The following CPT1A variants were observed in gnomAD, a reference collection of about 807,000 sequenced individuals.
CPT1A encodes carnitine palmitoyltransferase 1A.
A neutral mutation model predicts 100.8 loss-of-function variants in CPT1A; 64 were observed. The ratio of observed to expected loss-of-function variants is 0.63; its 90% CI spans 0.52 to 0.78. CPT1A has a LOEUF of 0.78. Ranked by LOEUF, CPT1A falls within the 30% of genes least tolerant of loss-of-function variation. The pLI, the probability that CPT1A is intolerant of heterozygous loss-of-function variation, is 0.00. For synonymous variants in CPT1A, 363 were observed against 396.0 expected (o/e 0.92, Z 0.99); for missense variants, 802 against 1,034.1 (o/e 0.78, Z 3.08).
At chr11:68,808,114 C>T (rs1856099737) in intron 3 of CPT1A, among the ~76,000 whole-genome samples, 1 of 152,218 alleles carries the variant, frequency 6.6e-6, no homozygotes, top group Admixed American at 6.5e-5. Flanking sequence ...CTTTCTTCAG[C>T]TCTTGATGAA....
At chr11:68,794,945 A>T (rs759502542) in intron 7 of CPT1A, 34 bp from the exon 8 acceptor site, 3 of 1,551,678 alleles carry the variant, frequency 1.9e-6, no homozygotes, top group Non-Finnish European at 2.7e-6. Context: ...GAATTTGCAT[A>T]GGGAAAGATA....
At chr11:68,775,112 A>G (rs1162184033) in intron 13 of CPT1A, among the ~76,000 whole-genome samples, 1 of 152,162 alleles carries the variant, frequency 6.6e-6, no homozygotes. Context: ...AGAAGAAGAA[A>G]TATTTACCGA....
chr11:68,832,983 G>A (rs541144224), intron 1 of CPT1A, among the ~76,000 whole-genome samples: 67 of 152,326 alleles, frequency 4.4e-4, no homozygotes, highest in African/African-American at 1.5e-3. Flanking sequence ...CGAAGGGCAG[G>A]GCAGTTATCT....
chr11:68,817,018 GGT>G (rs562994366), intron 1 of CPT1A, among the ~76,000 whole-genome samples: 2 of 104,426 alleles, frequency 1.9e-5, no homozygotes, highest in East Asian at 6.1e-4. Context: ...GTGGGGGGTG[GGT>G]GTGTGTGTGG....
At position 68,775,424 on chromosome 11, in the gene CPT1A, C is replaced by T. The variant is rs794727096; in HGVS notation, c.1467G>A (p.Met489Ile). ...PIVAHLWEYV[M>I]SIDSLQLGYA... is the part of the protein sequence containing the mutation. ...AGCCCAGCTGGAGGCTGTCAATGGA[C>T]ATGACGTACTGTCAAAAATAGAACA... The change falls in exon 13 of 19, where the codon ATG becomes ATA. Residue 489 changes from methionine (M) to isoleucine (I), a missense_variant. By Grantham distance (10) the Met-to-Ile change is conservative (BLOSUM62 1). Around this residue, in one of 4 missense-constraint regions of CPT1A, gnomAD observed 627 missense variants for 799.3 expected, o/e 0.78. Transcript: ENST00000265641. 2 of 1,612,926 alleles carry T rather than the reference C, an allele frequency of 1.2e-6. No homozygotes were observed. The highest frequency in any genetic ancestry group is 8.5e-7 in the Non-Finnish European group (1 of 1,178,866).
chr11:68,844,211 A>C (rs1857207749), upstream of CPT1A: 1 of 152,252 alleles, frequency 6.6e-6, no homozygotes, highest in Admixed American at 6.5e-5. Flanking sequence ...CTGCAGCCGC[A>C]CTGGGGAGGC....
intron 14 of CPT1A, among the ~76,000 whole-genome samples, chr11:68,765,016 G>T (rs559694172): frequency 1.3e-5 from 2 of 152,192 alleles, no homozygotes; most frequent in African/African-American, 2.4e-5. Context: ...GGGAGCGGGG[G>T]TCACAGGCCT....
intron 14 of CPT1A, among the ~76,000 whole-genome samples, chr11:68,767,133 C>T (rs766914949): frequency 4.6e-5 from 7 of 152,156 alleles, no homozygotes; most frequent in Non-Finnish European, 1.0e-4. Context: ...GACTGCTTTT[C>T]AACTACTAAA....
chr11:68,795,910 A>C (rs1191031285), intron 7 of CPT1A, among the ~76,000 whole-genome samples: 1 of 150,124 alleles, frequency 6.7e-6, no homozygotes, highest in East Asian at 1.9e-4. Flanking sequence ...CTCTATCTCA[A>C]AAAAAAAAAG....
At chr11:68,827,493 C>T (rs1856760897) in intron 1 of CPT1A, among the ~76,000 whole-genome samples, 1 of 152,070 alleles carries the variant, frequency 6.6e-6, no homozygotes, top group Non-Finnish European at 1.5e-5. Flanking sequence ...TAACATTTTG[C>T]TGTATTGATT....
chr11:68,826,277 C>G (rs1213793780), intron 1 of CPT1A, among the ~76,000 whole-genome samples: 1 of 151,968 alleles, frequency 6.6e-6, no homozygotes, highest in Non-Finnish European at 1.5e-5. Flanking sequence ...GAAACCCTGT[C>G]ACTACTAAAA....
intron 13 of CPT1A, 184 bp from the exon 14 acceptor site, chr11:68,773,613 C>CAGCTGCAATGTTAT: frequency 9.5e-7 from 1 of 1,052,946 alleles, no homozygotes; most frequent in Non-Finnish European, 1.4e-6. Flanking sequence ...CCCGGAGGAG[C>CAGCTGCAATGTTAT]AGCTGCAATG....
chr11:68,827,911 C>T lies in CPT1A; in HGVS notation c.-13-12424G>A, dbSNP rs149722858. Among the ~76,000 whole-genome samples, 319 of 152,328 alleles carry T rather than the reference C, an allele frequency of 2.1e-3. 7 individuals carry two copies. Among genetic ancestry groups the T allele is most frequent in the Admixed American group, 0.015 (228 of 15,304 alleles). ...CCCTGGCCCTGCTGTCCTGCACCCCCCTGCTGGCAGGAACCAGTCTGCTCT... is the reference window on the plus strand; with the variant it reads ...CCCTGGCCCTGCTGTCCTGCACCCCTCTGCTGGCAGGAACCAGTCTGCTCT... On this transcript the variant is annotated intron_variant, in intron 1 of 18. Coordinates refer to ENST00000265641, the MANE Select transcript of CPT1A (RefSeq NM_001876.4).
At chr11:68,814,328 A>T (rs1421757215) in intron 2 of CPT1A, among the ~76,000 whole-genome samples, 1 of 152,070 alleles carries the variant, frequency 6.6e-6, no homozygotes, top group African/African-American at 2.4e-5. Flanking sequence ...TTTTTTTGAG[A>T]CAGAGTCTCG....
intron 1 of CPT1A, among the ~76,000 whole-genome samples, chr11:68,830,131 A>AT (rs1856841313): frequency 6.6e-6 from 1 of 152,128 alleles, no homozygotes; most frequent in Non-Finnish European, 1.5e-5. Flanking sequence ...ACAAAAAATT[A>AT]GCTGGATGTG....
chr11:68,824,861 C>T (rs1293525846), intron 1 of CPT1A, among the ~76,000 whole-genome samples: 2 of 144,426 alleles, frequency 1.4e-5, no homozygotes, highest in African/African-American at 5.1e-5. Flanking sequence ...TGCAGTAGCA[C>T]GATCTAGGCT....
At chr11:68,824,941 G>T (rs1016352933) in intron 1 of CPT1A, among the ~76,000 whole-genome samples, 5 of 151,962 alleles carry the variant, frequency 3.3e-5, no homozygotes, top group African/African-American at 4.8e-5. Flanking sequence ...TGAGACTACA[G>T]ACACCCGACA....
chr11:68,771,014 C>T (rs1854973424), intron 14 of CPT1A, among the ~76,000 whole-genome samples: 1 of 152,226 alleles, frequency 6.6e-6, no homozygotes, highest in South Asian at 2.1e-4. Flanking sequence ...TTCGCTCGCT[C>T]CTGCCAAGTA....
At chr11:68,820,352 A>G (rs967097704) in intron 1 of CPT1A, among the ~76,000 whole-genome samples, 3 of 151,940 alleles carry the variant, frequency 2.0e-5, no homozygotes, top group Admixed American at 6.6e-5. Context: ...TTGAAGTCTC[A>G]GTTATCCATG....
Sources: allele counts gnomAD v4.1 joint callset (sites outside exome capture counted in the v4.1 genomes callset), GRCh38; gene constraint gnomAD v4.1.1; regional missense constraint gnomAD v4.1.1; transcripts MANE v1.5; gene names NCBI Gene and HGNC (gene_info 2026-07-23, HGNC 2026-07-21).